The following DOHH variants were observed in gnomAD, a reference collection of about 807,000 sequenced individuals.
DOHH encodes deoxyhypusine hydroxylase.
DOHH carries 16 observed loss-of-function variants against 19.9 expected under a neutral mutation model. The observed-to-expected ratio is 0.80, with a 90% CI of 0.54 to 1.22. The LOEUF is 1.22. Among genes scored for constraint, DOHH ranks in the 50% most tolerant of loss-of-function variants. DOHH has a pLI of 0.00. For synonymous variants in DOHH, 233 were observed against 217.0 expected (o/e 1.07, Z -0.65); for missense variants, 460 against 460.6 (o/e 1.00, Z 0.01).
In DOHH at chr19:3,496,615, T is replaced by C. The variant is rs779449669; in HGVS notation, c.200A>G (p.Asp67Gly). The C allele has an allele frequency of 6.2e-7, 1 of 1,614,004 alleles. No homozygotes were observed. The highest frequency in any genetic ancestry group is 8.5e-7 in the Non-Finnish European group (1 of 1,180,026). Reference sequence around the variant, plus strand: ...CACCAGCATGGGGATGGCGCGGGCATCCTGCATCTGGCCCAGGCAGTAGGC... The same window carrying C: ...CACCAGCATGGGGATGGCGCGGGCACCCTGCATCTGGCCCAGGCAGTAGGC... ...ELAYCLGQMQ[D>G]ARAIPMLVDV... Residue 67 changes from aspartate (D) to glycine (G), a missense_variant, in exon 2 of 5, where the codon GAT becomes GGT. Asp to Gly is a moderately conservative substitution (Grantham distance 94). Coordinates refer to ENST00000427575, the MANE Select transcript of DOHH (RefSeq NM_001145165.2). This position sits in a 1 kb window ranked among gnomAD's most constrained non-coding sequence, Gnocchi z 4.8.
rs1046361292 is a variant in DOHH at position 3,493,840 on chromosome 19, G to A, written c.351+188C>T. ...TTGTCGCCGTTTTGCCAAATGGGGCGCAGCAAGTGTCTGTCCAGATTGTCG... is the reference window on the plus strand; with the variant it reads ...TTGTCGCCGTTTTGCCAAATGGGGCACAGCAAGTGTCTGTCCAGATTGTCG... On this transcript the variant is annotated intron_variant, in intron 3 of 4. Transcript: ENST00000427575. Among the ~76,000 whole-genome samples, 7 of 152,282 alleles carry A rather than the reference G, an allele frequency of 4.6e-5. 1 individual carries two copies. Among genetic ancestry groups the A allele is most frequent in the Admixed American group, 3.3e-4 (5 of 15,304 alleles).
intron 2 of DOHH, among the ~76,000 whole-genome samples, chr19:3,494,807 T>A (rs1252543300): frequency 6.6e-6 from 1 of 152,224 alleles, no homozygotes; most frequent in Non-Finnish European, 1.5e-5. Context: ...AGGCTCCCTC[T>A]GCCGGGAAAA....
chr19:3,499,318 A>C (rs902327303), intron 1 of DOHH, among the ~76,000 whole-genome samples: 2 of 152,160 alleles, frequency 1.3e-5, no homozygotes, highest in African/African-American at 4.8e-5. Flanking sequence ...ACGGCGCCTA[A>C]GACTCCTAGA....
rs1427279894 is a variant in DOHH at position 3,496,970 on chromosome 19, C to T, written c.-72-84G>A. On this transcript the variant is annotated intron_variant, in intron 1 of 4. Coordinates refer to ENST00000427575, the MANE Select transcript of DOHH (RefSeq NM_001145165.2). This position sits in a 1 kb window ranked among gnomAD's most constrained non-coding sequence, Gnocchi z 4.8. ...TCCTAGGACCTGGGTGGGGCAAATTCCTACCCACTGACCAACCTGAGCATC... is the reference window on the plus strand; with the variant it reads ...TCCTAGGACCTGGGTGGGGCAAATTTCTACCCACTGACCAACCTGAGCATC... 3 of 1,005,504 alleles carry T rather than the reference C, an allele frequency of 3.0e-6. No homozygotes were observed. Among genetic ancestry groups the T allele is most frequent in the Admixed American group, 7.7e-5 (2 of 25,908 alleles). The allele number at this position is 1,005,504 out of a possible 1,614,324, so 62.3% of individuals were successfully genotyped here.
intron 1 of DOHH, among the ~76,000 whole-genome samples, chr19:3,497,260 G>A (rs1361265717): frequency 6.6e-6 from 1 of 152,212 alleles, no homozygotes; most frequent in Non-Finnish European, 1.5e-5. Flanking sequence ...ACTCTGAACA[G>A]GGCTGACCCA....
chr19:3,493,929 G>A, intron 3 of DOHH, 99 bp downstream of exon 3: 1 of 1,140,810 alleles, frequency 8.8e-7, no homozygotes, highest in Non-Finnish European at 1.2e-6. Flanking sequence ...CCAGAGATGG[G>A]GAGGGTCTGA....
chr19:3,499,148 G>A (rs1314329858), intron 1 of DOHH, among the ~76,000 whole-genome samples: 3 of 152,130 alleles, frequency 2.0e-5, no homozygotes, highest in African/African-American at 4.8e-5. Flanking sequence ...TGGACCATGA[G>A]AAATAGCAGC....
chr19:3,497,221 A>C (rs940639612), intron 1 of DOHH, among the ~76,000 whole-genome samples: 4 of 152,234 alleles, frequency 2.6e-5, no homozygotes, highest in African/African-American at 9.6e-5. Flanking sequence ...TCCCCACCCA[A>C]TATTCAAGGC....
In DOHH at chr19:3,494,037, G is replaced by A. The variant is rs11551227; in HGVS notation, c.342C>T (p.Pro114=). The change falls in exon 3 of 5, where the codon CCC becomes CCT. Residue 114 remains proline, a synonymous_variant. Coordinates refer to ENST00000427575, the MANE Select transcript of DOHH (RefSeq NM_001145165.2). ...GCAGGGGCCTGGTTACCTCGATGAC[G>A]GGGTCCGAGGAATACTGCTTCAGGA... ...LEILKQYSSD[P]VIEVAETCQL... 6.7e-5 allele frequency: 108 copies of A among 1,613,022 alleles called. No individual in the cohort carries two copies. The highest frequency in any genetic ancestry group is 8.1e-5 in the Non-Finnish European group (96 of 1,179,466).
In DOHH at chr19:3,491,944, C is replaced by A; in HGVS notation, c.590-133G>T. On this transcript the variant is annotated intron_variant, in intron 4 of 4. Transcript: ENST00000427575. This position sits in a 1 kb window ranked among gnomAD's most constrained non-coding sequence, Gnocchi z 5.6. Reference sequence around the variant, plus strand: ...CTGGCGATCTTCCCATCCCGGCCTCCCAAAGTGCTGGGACGACAGGCGTGA... The same window carrying A: ...CTGGCGATCTTCCCATCCCGGCCTCACAAAGTGCTGGGACGACAGGCGTGA... 1 of 1,067,672 alleles carries A rather than the reference C, an allele frequency of 9.4e-7. No individual in the cohort carries two copies. Among genetic ancestry groups the A allele is most frequent in the Non-Finnish European group, 1.3e-6 (1 of 786,652 alleles). 66.1% of individuals were successfully genotyped at this position (1,067,672 alleles called of 1,614,324 possible).
At position 3,491,528 on chromosome 19, in the gene DOHH, C is replaced by T. The variant is rs946843128; in HGVS notation, c.873G>A (p.Ala291=). ...EHETGRAFQY[A]DGLEQLRGAP... ...CCCCGCGCAGCTGCTCCAGGCCGTC[C>T]GCGTACTGGAAGGCCCGCCCGGTCT... is the stretch of plus-strand genomic sequence containing the variant. The change falls in exon 5 of 5, where the codon GCG becomes GCA. Residue 291 remains alanine, a synonymous_variant. Coordinates refer to ENST00000427575, the MANE Select transcript of DOHH (RefSeq NM_001145165.2). The surrounding 1 kb of genome is among the most constrained non-coding windows in gnomAD (Gnocchi z 5.6). The T allele has an allele frequency of 1.9e-5, 29 of 1,535,360 alleles. No individual in the cohort carries two copies. In the African/African-American group the frequency reaches 2.7e-4, roughly 15 times the overall value.
At chr19:3,497,774 A>G (rs762630443) in intron 1 of DOHH, among the ~76,000 whole-genome samples, 12 of 151,934 alleles carry the variant, frequency 7.9e-5, no homozygotes, top group South Asian at 4.2e-4. Flanking sequence ...ACAGGCACAC[A>G]CCAGCATGCC....
In DOHH at chr19:3,496,652, T is replaced by C; in HGVS notation, c.163A>G (p.Lys55Glu). ...QAFDDDSALL[K>E]HELAYCLGQM... ...CCCAGGCAGTAGGCCAGCTCGTGCT[T>C]GAGCAGGGCGGAATCGTCATCGAAG... The change falls in exon 2 of 5, where the codon AAG (lysine) becomes GAG (glutamate). Residue 55 changes from lysine (K) to glutamate (E), a missense_variant. Coordinates refer to ENST00000427575, the MANE Select transcript of DOHH (RefSeq NM_001145165.2). The surrounding 1 kb of genome is among the most constrained non-coding windows in gnomAD (Gnocchi z 4.8). The C allele has an allele frequency of 6.2e-7, 1 of 1,614,020 alleles. No homozygotes were observed.
intron 3 of DOHH, among the ~76,000 whole-genome samples, 163 bp downstream of exon 3, chr19:3,493,865 G>C (rs975396723): frequency 1.3e-5 from 2 of 152,104 alleles, no homozygotes; most frequent in Non-Finnish European, 2.9e-5. Context: ...CCAGATTGTC[G>C]CCCTCGCCTT....
Position 3,492,452 on chromosome 19 carries a change from C to T in DOHH, c.399G>A (p.Gln133=), listed in dbSNP as rs576222522. The change falls in exon 4 of 5, where the codon CAG becomes CAA. Residue 133 remains glutamine, a synonymous_variant. Transcript: ENST00000427575. Reference sequence around the variant, plus strand: ...CCGCCGCCGGCTCCCCGCCGTGCTGCTGCAGCCACTCCAGCCTGCGCACGG... The same window carrying T: ...CCGCCGCCGGCTCCCCGCCGTGCTGTTGCAGCCACTCCAGCCTGCGCACGG... The part of the protein sequence containing the change: ...QLAVRRLEWL[Q]QHGGEPAAGP... 1.4e-6 allele frequency: 2 copies of T among 1,465,476 alleles called. No individual in the cohort carries two copies. Among genetic ancestry groups the T allele is most frequent in the Non-Finnish European group, 1.8e-6 (2 of 1,114,842 alleles). The allele number at this position is 1,465,476 out of a possible 1,614,324, so 90.8% of individuals were successfully genotyped here.
chr19:3,493,909 G>A (rs563883288), intron 3 of DOHH, 119 bp downstream of exon 3: 9 of 898,592 alleles, frequency 1.0e-5, no homozygotes, highest in South Asian at 1.8e-5. Context: ...CCAAGTGGTC[G>A]CCCTGGCAAC....
chr19:3,496,668 G>A lies in DOHH; in HGVS notation c.147C>T (p.Asp49=), dbSNP rs147778126. The A allele has an allele frequency of 1.2e-4, 197 of 1,613,826 alleles. No homozygotes were observed. The highest frequency in any genetic ancestry group is 1.6e-4 in the Middle Eastern group (1 of 6,084). The change falls in exon 2 of 5, where the codon GAC becomes GAT. Residue 49 remains aspartate (D), a synonymous_variant. Coordinates refer to ENST00000427575, the MANE Select transcript of DOHH (RefSeq NM_001145165.2). This position sits in a 1 kb window ranked among gnomAD's most constrained non-coding sequence, Gnocchi z 4.8. ...GCTCGTGCTTGAGCAGGGCGGAATC[G>A]TCATCGAAGGCCTGGCTGATCCATG... ...AIAWISQAFD[D]DSALLKHELA... is the part of the protein sequence containing the mutation.
intron 2 of DOHH, among the ~76,000 whole-genome samples, chr19:3,495,887 C>T (rs374844459): frequency 1.3e-5 from 2 of 152,146 alleles, no homozygotes; most frequent in African/African-American, 4.8e-5. Flanking sequence ...CCAGCCTGGG[C>T]GACAGAGTGA....
chr19:3,492,104 C>T (rs2082874046), intron 4 of DOHH, among the ~76,000 whole-genome samples, 158 bp downstream of exon 4: 1 of 152,150 alleles, frequency 6.6e-6, no homozygotes, highest in Non-Finnish European at 1.5e-5. Flanking sequence ...CCAAGAGGGA[C>T]GCTTGCACGG....
Sources: allele counts gnomAD v4.1 joint callset (sites outside exome capture counted in the v4.1 genomes callset), GRCh38; gene constraint gnomAD v4.1.1; non-coding constraint Gnocchi (gnomAD v3.1); transcripts MANE v1.5; gene names NCBI Gene and HGNC (gene_info 2026-07-23, HGNC 2026-07-21).